Variants in KLF17 observed in about 807,000 individuals in gnomAD.
The protein encoded by KLF17 is KLF transcription factor 17, also known as Krueppel-like factor 17.
Under a neutral mutation model 34.2 loss-of-function variants are expected in KLF17, and 31 were observed. The observed-to-expected ratio is 0.91, with a 90% CI of 0.68 to 1.22. KLF17 has a LOEUF of 1.22. Among genes scored for constraint, KLF17 ranks in the 50% most tolerant of loss-of-function variants. The pLI, the probability that KLF17 is intolerant of heterozygous loss-of-function variation, is 0.00. For synonymous variants in KLF17, 179 were observed against 186.7 expected, an observed-to-expected ratio of 0.96 and a Z score of 0.34; for missense variants, 478 against 505.2, an observed-to-expected ratio of 0.95 and a Z score of 0.52.
At chr1:44,099,836 AG>A in the KLF17 span, among the ~76,000 whole-genome samples, 1 of 25,008 alleles carries the variant, frequency 4.0e-5, no homozygotes, top group Non-Finnish European at 7.0e-5. Context: ...GAAGAAAGAA[AG>A]AAAGAAAGAA....
At chr1:44,079,537 A>C in the KLF17 span, among the ~76,000 whole-genome samples, 1 of 151,974 alleles carries the variant, frequency 6.6e-6, no homozygotes, top group Non-Finnish European at 1.5e-5. Context: ...TCCTGGGCTC[A>C]AGCGATCCTC....
At chr1:44,127,131 A>G (rs558580581) in intron 1 of KLF17, among the ~76,000 whole-genome samples, 1 of 147,094 alleles carries the variant, frequency 6.8e-6, no homozygotes, top group Admixed American at 6.8e-5. Context: ...CTGGTCTTGA[A>G]CTCCTGGACT....
At chr1:44,078,021 T>A in the KLF17 span, among the ~76,000 whole-genome samples, 1 of 152,266 alleles carries the variant, frequency 6.6e-6, no homozygotes, top group African/African-American at 2.4e-5. Flanking sequence ...TTATATATGC[T>A]GCAAATATCT....
the KLF17 span, among the ~76,000 whole-genome samples, chr1:44,079,307 C>CTTTTTTTTTTTT: frequency 2.1e-3 from 296 of 140,766 alleles, 2 homozygotes; most frequent in African/African-American, 4.1e-3. Flanking sequence ...TTTTCTTCTC[C>CTTTTTTTTTTTT]TTTTTTTTTT....
chr1:44,107,892 G>A, the KLF17 span, among the ~76,000 whole-genome samples: 1 of 152,142 alleles, frequency 6.6e-6, no homozygotes. Flanking sequence ...GCATATATAG[G>A]GTCTGATATT....
the KLF17 span, among the ~76,000 whole-genome samples, chr1:44,069,372 T>C: frequency 6.6e-6 from 1 of 152,112 alleles, no homozygotes; most frequent in Non-Finnish European, 1.5e-5. This position sits in a 1 kb window ranked among gnomAD's most constrained non-coding sequence, Gnocchi z 4.7. Flanking sequence ...TTTTGGCTTA[T>C]GGTTCTGCAG....
At chr1:44,106,085 G>A in the KLF17 span, among the ~76,000 whole-genome samples, 73 of 152,112 alleles carry the variant, frequency 4.8e-4, no homozygotes, top group Middle Eastern at 3.4e-3. Context: ...TTTCCTACCC[G>A]AGTGTTGACT....
At chr1:44,078,629 G>C in the KLF17 span, among the ~76,000 whole-genome samples, 3 of 152,020 alleles carry the variant, frequency 2.0e-5, no homozygotes, top group Non-Finnish European at 4.4e-5. Context: ...GTAGAGACAG[G>C]GTTTCACCGT....
chr1:44,088,249 G>C, the KLF17 span: 1 of 152,330 alleles, frequency 6.6e-6, no homozygotes, highest in African/African-American at 2.4e-5. Flanking sequence ...CCCCCAAGTA[G>C]CTGGAACTAT....
chr1:44,119,196 G>A (rs1387110149), intron 1 of KLF17, among the ~76,000 whole-genome samples: 3 of 151,978 alleles, frequency 2.0e-5, no homozygotes, highest in Non-Finnish European at 4.4e-5. Context: ...TGCAAAGGGA[G>A]GGATGGGAGA....
intron 1 of KLF17, among the ~76,000 whole-genome samples, chr1:44,127,629 CT>C (rs200147608): frequency 0.017 from 856 of 50,186 alleles, 22 homozygotes; most frequent in African/African-American, 0.053. Context: ...CTTTTCTTTT[CT>C]TTTCTTTCCT....
the KLF17 span, among the ~76,000 whole-genome samples, chr1:44,110,182 T>C: frequency 2.0e-5 from 3 of 152,242 alleles, no homozygotes; most frequent in Admixed American, 6.5e-5. Flanking sequence ...GCTGGGATTA[T>C]AGGCGTGGGC....
At chr1:44,050,688 G>A in the KLF17 span, among the ~76,000 whole-genome samples, 4 of 152,140 alleles carry the variant, frequency 2.6e-5, no homozygotes, top group African/African-American at 9.7e-5. Context: ...AAGCCAAGGT[G>A]GGCAGATCAC....
chr1:44,123,828 T>TAATTGACC (rs1360712937), intron 1 of KLF17, among the ~76,000 whole-genome samples: 1 of 152,192 alleles, frequency 6.6e-6, no homozygotes, highest in Non-Finnish European at 1.5e-5. Flanking sequence ...ATTGATTGTT[T>TAATTGACC]CAGAGAGTGC....
At chr1:44,127,630 T>TTTTCTTTTCTTTTCTTTTC (rs1553171622) in intron 1 of KLF17, among the ~76,000 whole-genome samples, 1 of 45,926 alleles carries the variant, frequency 2.2e-5, no homozygotes, top group South Asian at 6.7e-4. Flanking sequence ...TTTTCTTTTC[T>TTTTCTTTTCTTTTCTTTTC]TTTCTTTCCT....
At chr1:44,104,000 G>T in the KLF17 span, 2 of 854,194 alleles carry the variant, frequency 2.3e-6, no homozygotes, top group Non-Finnish European at 4.1e-6. Flanking sequence ...CAGCGATGAT[G>T]CTGTCCGTGT....
chr1:44,098,312 C>G, the KLF17 span, among the ~76,000 whole-genome samples: 1 of 151,962 alleles, frequency 6.6e-6, no homozygotes, highest in Non-Finnish European at 1.5e-5. Context: ...TAATGTCTCC[C>G]TTTTCATCTC....
chr1:44,090,955 C>T, the KLF17 span, among the ~76,000 whole-genome samples: 2 of 129,186 alleles, frequency 1.5e-5, no homozygotes, highest in East Asian at 2.3e-4. Context: ...CACACACGCA[C>T]GCATGCACAC....
upstream of KLF17, chr1:44,118,739 G>A: frequency 2.1e-6 from 1 of 486,098 alleles, no homozygotes; most frequent in East Asian, 3.5e-5. Context: ...AGGGCTGCGA[G>A]GGCGGCGCAG....
Sources: gnomAD v4.1 joint callset for allele counts (sites outside exome capture counted in the v4.1 genomes callset) on GRCh38, gnomAD v4.1.1 for gene constraint, Gnocchi (gnomAD v3.1) non-coding constraint, MANE v1.5 for transcripts, NCBI Gene and HGNC (gene_info 2026-07-23, HGNC 2026-07-21) for gene names.